LCORL: variants seen among roughly 807,000 people sequenced by gnomAD.
LCORL encodes ligand-dependent nuclear receptor corepressor-like protein.
LCORL carries 41 observed loss-of-function variants against 141.8 expected under a neutral mutation model. The observed-to-expected ratio is 0.29, with a 90% CI of 0.23 to 0.38. The LOEUF (loss-of-function observed/expected upper bound fraction) is 0.38, where lower values mean the gene tolerates loss of function less well. Ranked by LOEUF, LCORL falls within the 10% of genes least tolerant of loss-of-function variation. The pLI is 1.00. For missense variants in LCORL, 1,759 were observed against 2,035.0 expected (o/e 0.86, Z 2.61); for synonymous variants, 618 against 694.1 (o/e 0.89, Z 1.72).
At chr4:17,973,459 C>G (rs1475665963) in intron 1 of LCORL, among the ~76,000 whole-genome samples, 1 of 151,634 alleles carries the variant, frequency 6.6e-6, no homozygotes, top group African/African-American at 2.4e-5. Flanking sequence ...TTAACAAAAC[C>G]CTAGTTTATG....
At chr4:17,960,842 G>A (rs1327053605) in intron 4 of LCORL, among the ~76,000 whole-genome samples, 1 of 151,870 alleles carries the variant, frequency 6.6e-6, no homozygotes, top group Non-Finnish European at 1.5e-5. Flanking sequence ...GTAACACAAA[G>A]GAAAAGATTT....
chr4:17,853,449 A>G (rs2109108242), intron 7 of LCORL, among the ~76,000 whole-genome samples: 1 of 152,242 alleles, frequency 6.6e-6, no homozygotes, highest in East Asian at 1.9e-4. Context: ...GAAAGAGGAG[A>G]ATAATGTTCG....
chr4:17,979,287 T>G (rs1401561626), intron 1 of LCORL, among the ~76,000 whole-genome samples: 1 of 152,200 alleles, frequency 6.6e-6, no homozygotes, highest in Non-Finnish European at 1.5e-5. Flanking sequence ...TTCCTTCTTC[T>G]CAGGGACCAG....
At chr4:17,918,538 G>A (rs1240177453) in intron 4 of LCORL, among the ~76,000 whole-genome samples, 1 of 152,170 alleles carries the variant, frequency 6.6e-6, no homozygotes, top group Non-Finnish European at 1.5e-5. Flanking sequence ...GACAGAAATT[G>A]TGATGTTGAA....
Position 17,846,704 on chromosome 4 carries a change from C to G in LCORL, c.5603-803G>C, listed in dbSNP as rs148945348. Among the ~76,000 whole-genome samples the G allele has an allele frequency of 5.3e-3, 810 of 152,304 alleles. 5 individuals carry two copies. The highest frequency in any genetic ancestry group is 0.019 in the African/African-American group (777 of 41,568). ...TACACCCTCTGTTCTGGACTGGTGT[C>G]TTATTCCACAAGTTCATGAGCACAG... On this transcript the variant is annotated intron_variant, in intron 7 of 7. Coordinates refer to ENST00000635767, the Ensembl canonical transcript of LCORL.
chr4:17,972,153 A>G (rs1407920896), intron 2 of LCORL, among the ~76,000 whole-genome samples: 5 of 151,850 alleles, frequency 3.3e-5, no homozygotes, highest in South Asian at 2.1e-4. Flanking sequence ...TTAGGTGACT[A>G]AAGTGACTGC....
exon 7 of LCORL, chr4:17,873,993 A>C: frequency 8.1e-7 from 1 of 1,234,182 alleles, no homozygotes; most frequent in Non-Finnish European, 1.0e-6. Context: ...GTCACCCCTG[A>C]TCTCAGGTGG....
chr4:17,917,068 G>C (rs1183443739), intron 4 of LCORL, among the ~76,000 whole-genome samples: 1 of 151,896 alleles, frequency 6.6e-6, no homozygotes, highest in African/African-American at 2.4e-5. Flanking sequence ...TCTGCCTCTT[G>C]GGTTCCAGCG....
chr4:17,984,550 G>C (rs1342658367), intron 1 of LCORL, among the ~76,000 whole-genome samples: 1 of 152,010 alleles, frequency 6.6e-6, no homozygotes, highest in African/African-American at 2.4e-5. Flanking sequence ...TTTCTAGTTT[G>C]TATGAATAGG....
chr4:17,875,172 C>T, exon 7 of LCORL: 1 of 1,232,100 alleles, frequency 8.1e-7, no homozygotes, highest in Non-Finnish European at 1.0e-6. Flanking sequence ...GCTGCTAATA[C>T]TTACTTCTCT....
intron 4 of LCORL, among the ~76,000 whole-genome samples, chr4:17,941,311 T>A (rs1213379595): frequency 6.6e-6 from 1 of 152,038 alleles, no homozygotes; most frequent in African/African-American, 2.4e-5. Flanking sequence ...ACTATATGCA[T>A]ATATACTATA....
chr4:17,993,840 A>G (rs1720458796), intron 1 of LCORL, among the ~76,000 whole-genome samples: 1 of 152,218 alleles, frequency 6.6e-6, no homozygotes, highest in Non-Finnish European at 1.5e-5. Flanking sequence ...ATGTAAATTT[A>G]GGTGATGGAA....
chr4:17,876,314 C>T (rs1223941746), exon 7 of LCORL: 10 of 1,230,796 alleles, frequency 8.1e-6, no homozygotes, highest in Non-Finnish European at 9.1e-6. Context: ...TTGATAAGCT[C>T]TGTTCTTTGC....
chr4:17,911,617 T>G, intron 4 of LCORL: 2 of 410,402 alleles, frequency 4.9e-6, no homozygotes, highest in Non-Finnish European at 9.4e-6. Context: ...TAAAAATGGA[T>G]AACTTGGTCG....
At chr4:17,894,896 G>A (rs1322277311) in intron 5 of LCORL, among the ~76,000 whole-genome samples, 2 of 151,902 alleles carry the variant, frequency 1.3e-5, no homozygotes, top group African/African-American at 2.4e-5. Flanking sequence ...CATATCACGA[G>A]GTACATAAAG....
At chr4:17,883,002 C>T in intron 6 of LCORL, 1 of 965,090 alleles carries the variant, frequency 1.0e-6, no homozygotes, top group Middle Eastern at 5.3e-4. Flanking sequence ...TTAAAGGGTT[C>T]TATAGCTGCT....
exon 7 of LCORL, chr4:17,878,026 C>T (rs1203608269): frequency 1.6e-6 from 2 of 1,230,440 alleles, no homozygotes; most frequent in African/African-American, 3.1e-5. Flanking sequence ...TTTTGAGATT[C>T]TGAAGACACA....
exon 8 of LCORL, chr4:17,841,271 T>A (rs560317275): frequency 1.3e-5 from 2 of 152,068 alleles, no homozygotes; most frequent in South Asian, 4.1e-4. Flanking sequence ...AGAAAGTACA[T>A]CCAGACAAAC....
chr4:17,903,114 T>G (rs1731119789), intron 5 of LCORL, among the ~76,000 whole-genome samples: 2 of 152,108 alleles, frequency 1.3e-5, no homozygotes, highest in African/African-American at 2.4e-5. Flanking sequence ...TAGTTATCTG[T>G]GGCGTCTGAG....
Sources: gnomAD v4.1 joint callset for allele counts (sites outside exome capture counted in the v4.1 genomes callset) on GRCh38, gnomAD v4.1.1 for gene constraint, MANE v1.5 for transcripts, NCBI Gene and HGNC (gene_info 2026-07-23, HGNC 2026-07-21) for gene names.